Variants in CACNA2D1 observed in about 807,000 individuals in gnomAD.
The protein encoded by CACNA2D1 is voltage-dependent calcium channel subunit alpha-2/delta-1.
A neutral mutation model predicts 171.5 loss-of-function variants in CACNA2D1; 53 were observed. The observed-to-expected ratio is 0.31, with a 90% CI of 0.25 to 0.39. The LOEUF is 0.39. CACNA2D1 is among the 10% of genes least tolerant of loss of function. The probability of loss-of-function intolerance (pLI) is 1.00; values close to 1 mark genes in which losing one functional copy is unlikely to be tolerated. For missense variants in CACNA2D1, 903 were observed against 1,299.8 expected, an observed-to-expected ratio of 0.69 and a Z score of 4.69; for synonymous variants, 442 against 443.1, an observed-to-expected ratio of 1.00 and a Z score of 0.03.
At chr7:82,074,782 G>T (rs1486178361) in intron 7 of CACNA2D1, among the ~76,000 whole-genome samples, 1 of 151,650 alleles carries the variant, frequency 6.6e-6, no homozygotes, top group Non-Finnish European at 1.5e-5. Flanking sequence ...TTTGTTTCTG[G>T]GCAGTGAGTC....
At chr7:82,360,929 T>C (rs1236920091) in intron 1 of CACNA2D1, among the ~76,000 whole-genome samples, 1 of 152,278 alleles carries the variant, frequency 6.6e-6, no homozygotes, top group East Asian at 1.9e-4. Context: ...CTGAAAACCA[T>C]CAGAAAAGAA....
chr7:82,069,026 G>C (rs1413510158), intron 7 of CACNA2D1, among the ~76,000 whole-genome samples: 1 of 152,066 alleles, frequency 6.6e-6, no homozygotes, highest in African/African-American at 2.4e-5. Context: ...GGCTTTCTGA[G>C]ATATTTACTC....
chr7:82,228,705 A>G (rs1377290008), intron 3 of CACNA2D1, among the ~76,000 whole-genome samples: 1 of 152,174 alleles, frequency 6.6e-6, no homozygotes, highest in African/African-American at 2.4e-5. Context: ...AATAGTGTAT[A>G]TAAGATACTT....
chr7:82,421,327 G>A (rs1828695375), intron 1 of CACNA2D1, among the ~76,000 whole-genome samples: 1 of 152,166 alleles, frequency 6.6e-6, no homozygotes, highest in African/African-American at 2.4e-5. Context: ...GCAATCACAA[G>A]TCAGAACAGA....
At chr7:82,000,463 T>C (rs1798471671) in intron 18 of CACNA2D1, among the ~76,000 whole-genome samples, 2 of 152,116 alleles carry the variant, frequency 1.3e-5, no homozygotes, top group African/African-American at 4.8e-5. Flanking sequence ...AATTAAACAC[T>C]ACAGGATTTA....
intron 21 of CACNA2D1, among the ~76,000 whole-genome samples, chr7:81,989,407 G>A (rs899238056): frequency 2.6e-5 from 4 of 152,190 alleles, no homozygotes; most frequent in Non-Finnish European, 5.9e-5. Flanking sequence ...AACGATAGAC[G>A]ATGGAGATAC....
At chr7:82,055,558 A>G (rs1050041522) in intron 10 of CACNA2D1, among the ~76,000 whole-genome samples, 1 of 151,850 alleles carries the variant, frequency 6.6e-6, no homozygotes, top group African/African-American at 2.4e-5. Context: ...CGTGGCACAT[A>G]TACACCATGG....
chr7:82,355,739 T>A (rs1433703949), intron 1 of CACNA2D1, among the ~76,000 whole-genome samples: 1 of 152,054 alleles, frequency 6.6e-6, no homozygotes, highest in African/African-American at 2.4e-5. Context: ...CCAAATATAG[T>A]CATTTCTCAG....
At chr7:82,142,861 G>A (rs1195930291) in intron 4 of CACNA2D1, among the ~76,000 whole-genome samples, 4 of 152,140 alleles carry the variant, frequency 2.6e-5, no homozygotes, top group Admixed American at 2.0e-4. Context: ...CATCTACACT[G>A]TTTAGCTAAA....
chr7:82,192,923 A>T (rs966012985), intron 3 of CACNA2D1, among the ~76,000 whole-genome samples: 7 of 151,936 alleles, frequency 4.6e-5, no homozygotes, highest in Non-Finnish European at 1.0e-4. Context: ...TTAGATGGTT[A>T]ATGATATTTT....
intron 7 of CACNA2D1, among the ~76,000 whole-genome samples, chr7:82,072,552 T>C (rs990022673): frequency 1.3e-5 from 2 of 151,404 alleles, no homozygotes; most frequent in African/African-American, 4.9e-5. Flanking sequence ...AATTTTCAAA[T>C]GCTGAATGTC....
intron 26 of CACNA2D1, among the ~76,000 whole-genome samples, 167 bp downstream of exon 26, chr7:81,971,610 C>G (rs949609676): frequency 6.6e-6 from 1 of 151,640 alleles, no homozygotes; most frequent in Non-Finnish European, 1.5e-5. Flanking sequence ...CTGAAAAACA[C>G]CCACAACTGA....
intron 5 of CACNA2D1, among the ~76,000 whole-genome samples, chr7:82,127,854 C>G (rs1186307659): frequency 7.2e-5 from 11 of 152,116 alleles, no homozygotes; most frequent in Non-Finnish European, 2.9e-5. Context: ...TGCCTTCTAT[C>G]CTTCCATGAG....
intron 3 of CACNA2D1, among the ~76,000 whole-genome samples, chr7:82,278,555 CT>C (rs1809657689): frequency 1.5e-5 from 1 of 64,774 alleles, no homozygotes; most frequent in African/African-American, 7.0e-5. Context: ...GAGACTCTGT[CT>C]TAAAAAAAAA....
chr7:82,124,880 T>C (rs981331512), intron 5 of CACNA2D1, among the ~76,000 whole-genome samples: 4 of 152,104 alleles, frequency 2.6e-5, no homozygotes, highest in African/African-American at 7.2e-5. Context: ...TTACATACTA[T>C]AAGACAGCTT....
chr7:82,221,149 C>A (rs1296004725), intron 3 of CACNA2D1, among the ~76,000 whole-genome samples: 1 of 151,996 alleles, frequency 6.6e-6, no homozygotes, highest in Non-Finnish European at 1.5e-5. Context: ...ACTTTTCATT[C>A]TTTGTTACAT....
chr7:82,419,878 T>A (rs1828556149), intron 1 of CACNA2D1, among the ~76,000 whole-genome samples: 1 of 152,234 alleles, frequency 6.6e-6, no homozygotes, highest in Non-Finnish European at 1.5e-5. Flanking sequence ...CGGGTGATTT[T>A]GCCCCTCAGG....
intron 10 of CACNA2D1, among the ~76,000 whole-genome samples, chr7:82,041,291 G>A (rs568059235): frequency 6.6e-6 from 1 of 152,212 alleles, no homozygotes; most frequent in African/African-American, 2.4e-5. Flanking sequence ...AAAGCTCGTC[G>A]AAAGGTAGGG....
Position 81,964,213 on chromosome 7 carries a change from T to C in CACNA2D1, c.2721A>G (p.Ala907=), listed in dbSNP as rs758369222. ...GACCGTGGATATTACTGACCACATA[T>C]GCTGAGCGATGTCCTGCTCCTTGTT... is the stretch of plus-strand genomic sequence containing the variant. The part of the protein sequence containing the change: ...APKQGAGHRS[A]YVPSVADILQ... The change falls in exon 33 of 39, where the codon GCA becomes GCG. Residue 907 remains alanine (A), a synonymous_variant. Coordinates refer to ENST00000356860, the MANE Select transcript of CACNA2D1 (RefSeq NM_000722.4). 8.1e-6 allele frequency: 13 copies of C among 1,612,734 alleles called. No homozygotes were observed. In the Admixed American group the frequency reaches 1.5e-4, roughly 19 times the overall value.
Sources: gnomAD v4.1 joint callset for allele counts (sites outside exome capture counted in the v4.1 genomes callset) on GRCh38, gnomAD v4.1.1 for gene constraint, MANE v1.5 for transcripts, NCBI Gene and HGNC (gene_info 2026-07-23, HGNC 2026-07-21) for gene names.